Variants in PTPRT observed in about 807,000 individuals in gnomAD.
PTPRT encodes receptor-type tyrosine-protein phosphatase T.
PTPRT carries 56 observed loss-of-function variants against 176.8 expected under a neutral mutation model. The ratio of observed to expected loss-of-function variants is 0.32; its 90% CI spans 0.26 to 0.40. The LOEUF is 0.40. PTPRT is among the 10% of genes least tolerant of loss of function. The pLI is 1.00. For missense variants in PTPRT, 1,540 were observed against 1,908.2 expected, an observed-to-expected ratio of 0.81 and a Z score of 3.60; for synonymous variants, 783 against 739.0, an observed-to-expected ratio of 1.06 and a Z score of -0.96.
chr20:43,187,126 C>T (rs980339430), intron 1 of PTPRT, among the ~76,000 whole-genome samples: 2 of 152,180 alleles, frequency 1.3e-5, no homozygotes, highest in Non-Finnish European at 2.9e-5. Flanking sequence ...TGATGACAAG[C>T]TTCCGCCCCG....
intron 2 of PTPRT, among the ~76,000 whole-genome samples, chr20:42,813,714 C>T (rs1017831715): frequency 1.3e-5 from 2 of 152,094 alleles, no homozygotes; most frequent in African/African-American, 4.8e-5. Context: ...CCTAATGAAA[C>T]AGTGAGAAGG....
chr20:42,636,974 C>A (rs866527746), intron 7 of PTPRT, among the ~76,000 whole-genome samples: 4 of 151,906 alleles, frequency 2.6e-5, no homozygotes, highest in African/African-American at 9.7e-5. Flanking sequence ...AGCACTCAAA[C>A]CTTCATGGAA....
chr20:43,126,749 G>C (rs940522002), intron 1 of PTPRT, among the ~76,000 whole-genome samples: 1 of 152,144 alleles, frequency 6.6e-6, no homozygotes, highest in Non-Finnish European at 1.5e-5. Context: ...ATCCCTTTCA[G>C]TCTCTCCTCA....
chr20:42,657,476 C>T (rs1382345152), intron 7 of PTPRT, among the ~76,000 whole-genome samples: 2 of 152,160 alleles, frequency 1.3e-5, no homozygotes, highest in East Asian at 3.9e-4. Flanking sequence ...CTTCACAACC[C>T]AACCTTATGG....
chr20:42,363,076 C>G (rs1207599004), intron 9 of PTPRT, among the ~76,000 whole-genome samples: 3 of 132,232 alleles, frequency 2.3e-5, no homozygotes, highest in Non-Finnish European at 4.7e-5. Context: ...TGCACTCCAG[C>G]CTGGGCGACA....
intron 15 of PTPRT, among the ~76,000 whole-genome samples, chr20:42,214,671 G>A (rs981314022): frequency 1.3e-5 from 2 of 152,046 alleles, no homozygotes; most frequent in East Asian, 1.9e-4. Context: ...GCCTGGATGG[G>A]CTCTCCTACC....
intron 7 of PTPRT, among the ~76,000 whole-genome samples, chr20:42,531,831 G>T (rs1195167658): frequency 1.3e-5 from 2 of 152,196 alleles, no homozygotes; most frequent in Non-Finnish European, 2.9e-5. Context: ...GCAGACCTCA[G>T]CAGGGAGGCC....
rs560198166 is a variant in PTPRT at position 42,254,765 on chromosome 20, A to G, written c.2177-5943T>C. Among the ~76,000 whole-genome samples the G allele has an allele frequency of 1.6e-4, 25 of 152,318 alleles. 1 individual carries two copies. The highest frequency in any genetic ancestry group is 1.4e-3 in the Admixed American group (22 of 15,292). ...CATTATGGTTCCAAAGTCCTGCATC[A>G]GAGTCAGCCCTTCATTTTACCTGCT... On this transcript the variant is annotated intron_variant, in intron 13 of 30. Transcript: ENST00000373187.
chr20:42,094,754 G>A (rs895562564), intron 27 of PTPRT, among the ~76,000 whole-genome samples: 11 of 152,154 alleles, frequency 7.2e-5, no homozygotes, highest in Non-Finnish European at 1.6e-4. Context: ...GCTGGCTGTG[G>A]TGGCTCACCC....
chr20:42,336,117 C>G (rs1418730122), intron 11 of PTPRT, among the ~76,000 whole-genome samples: 3 of 151,938 alleles, frequency 2.0e-5, no homozygotes, highest in Non-Finnish European at 2.9e-5. Context: ...TAATATAATA[C>G]TTACATATTA....
intron 2 of PTPRT, among the ~76,000 whole-genome samples, chr20:42,867,948 C>T (rs763337827): frequency 6.6e-6 from 1 of 152,094 alleles, no homozygotes; most frequent in Non-Finnish European, 1.5e-5. Flanking sequence ...TCCCAAAGTG[C>T]TGAGATTACA....
At chr20:42,524,177 T>C (rs1192125498) in intron 7 of PTPRT, among the ~76,000 whole-genome samples, 1 of 152,234 alleles carries the variant, frequency 6.6e-6, no homozygotes, top group Non-Finnish European at 1.5e-5. Context: ...ACTTGAACTT[T>C]ACTATTTTTT....
At chr20:42,365,559 G>A (rs1171471405) in intron 9 of PTPRT, among the ~76,000 whole-genome samples, 3 of 151,808 alleles carry the variant, frequency 2.0e-5, no homozygotes, top group Admixed American at 2.0e-4. Flanking sequence ...ATCTAGAGCA[G>A]GGGTGTCCGG....
intron 16 of PTPRT, among the ~76,000 whole-genome samples, chr20:42,177,829 G>T (rs1990355652): frequency 6.6e-6 from 1 of 151,860 alleles, no homozygotes; most frequent in Non-Finnish European, 1.5e-5. Context: ...CTGTCTGTCT[G>T]TCTCCCTCCT....
chr20:43,033,092 C>T (rs11697664), intron 1 of PTPRT, among the ~76,000 whole-genome samples: 10,761 of 152,294 alleles, frequency 0.071, 534 homozygotes, highest in Non-Finnish European at 0.11. Flanking sequence ...ACAAATGTCA[C>T]AATAGAGGAC....
chr20:42,909,623 T>A (rs1410323008), intron 1 of PTPRT, among the ~76,000 whole-genome samples: 1 of 152,144 alleles, frequency 6.6e-6, no homozygotes, highest in Non-Finnish European at 1.5e-5. Flanking sequence ...CTGGCAGTGA[T>A]GGATGTCCTC....
At chr20:42,054,967 C>T in the PTPRT span, among the ~76,000 whole-genome samples, 1 of 152,304 alleles carries the variant, frequency 6.6e-6, no homozygotes, top group East Asian at 1.9e-4. Context: ...GAAAAGGAAT[C>T]GTTTTAAAGA....
intron 11 of PTPRT, among the ~76,000 whole-genome samples, chr20:42,341,792 G>A (rs984031067): frequency 2.6e-5 from 4 of 152,138 alleles, no homozygotes; most frequent in African/African-American, 4.8e-5. Flanking sequence ...GCCAGTAACA[G>A]TCCCTGTCTC....
At chr20:42,907,464 A>G (rs1350639731) in intron 1 of PTPRT, among the ~76,000 whole-genome samples, 4 of 147,604 alleles carry the variant, frequency 2.7e-5, no homozygotes, top group Admixed American at 2.6e-4. Flanking sequence ...CAAACATTGA[A>G]GTTTTTTTTT....
Sources: gnomAD v4.1 joint callset for allele counts (sites outside exome capture counted in the v4.1 genomes callset) on GRCh38, gnomAD v4.1.1 for gene constraint, MANE v1.5 for transcripts, NCBI Gene and HGNC (gene_info 2026-07-23, HGNC 2026-07-21) for gene names.